DMD: variants seen among roughly 807,000 people sequenced by gnomAD.
DMD encodes mutant dystrophin.
A neutral mutation model predicts 330.1 loss-of-function variants in DMD; 63 were observed. That is an observed-to-expected ratio of 0.19 (90% confidence interval 0.16 to 0.24). The LOEUF (loss-of-function observed/expected upper bound fraction) is 0.24, where lower values mean the gene tolerates loss of function less well. Among genes scored for constraint, DMD ranks in the 10% least tolerant of loss-of-function variants. DMD has a pLI of 1.00. For synonymous variants in DMD, 1,223 were observed against 959.8 expected (o/e 1.27, Z -5.07); for missense variants, 3,344 against 2,684.1 (o/e 1.25, Z -5.43).
At position 32,458,711 on chromosome X, in the gene DMD, G is replaced by A. The variant is rs2098371369; in HGVS notation, c.3433-3879C>T. ...TAGCCACCCTAACAGGTATGAAGAGGTTCTTGTGGCTTTTAACTGCATTTT... is the reference window on the plus strand; with the variant it reads ...TAGCCACCCTAACAGGTATGAAGAGATTCTTGTGGCTTTTAACTGCATTTT... On this transcript the variant is annotated intron_variant, in intron 25 of 78. Transcript: ENST00000357033. Among the ~76,000 whole-genome samples the A allele has an allele frequency of 3.6e-5, 4 of 111,338 alleles. No homozygotes were observed. In the South Asian group the frequency reaches 1.5e-3, roughly 41 times the overall value.
chrX:33,165,390 A>G (rs926754890), intron 1 of DMD, among the ~76,000 whole-genome samples: 3 of 111,760 alleles, frequency 2.7e-5, no homozygotes, highest in African/African-American at 6.5e-5. Flanking sequence ...ACATCCATCA[A>G]AAAACTCTTT....
intron 6 of DMD, among the ~76,000 whole-genome samples, chrX:32,811,114 G>A (rs1603433216): frequency 9.3e-6 from 1 of 107,613 alleles, no homozygotes; most frequent in Non-Finnish European, 1.9e-5. Context: ...TGAAGGATTT[G>A]CTTGAGGCCA....
intron 7 of DMD, among the ~76,000 whole-genome samples, chrX:32,796,013 A>AT (rs1569523729): frequency 9.0e-6 from 1 of 111,633 alleles, no homozygotes; most frequent in African/African-American, 3.3e-5. Context: ...AGTTCAGAAT[A>AT]TAAGTCAGTA....
At chrX:32,974,527 T>G (rs2092482191) in intron 2 of DMD, among the ~76,000 whole-genome samples, 1 of 111,616 alleles carries the variant, frequency 9.0e-6, no homozygotes, top group South Asian at 3.7e-4. Context: ...TCCCTTGAGG[T>G]CTTCTGATGT....
At chrX:32,908,389 A>G (rs767743441) in intron 2 of DMD, among the ~76,000 whole-genome samples, 32 of 111,984 alleles carry the variant, frequency 2.9e-4, no homozygotes, top group Admixed American at 1.3e-3. Flanking sequence ...TTTCCAAAAA[A>G]CACTGAAAAT....
chrX:33,030,700 G>T (rs759375620), intron 1 of DMD, among the ~76,000 whole-genome samples: 2 of 111,566 alleles, frequency 1.8e-5, no homozygotes, highest in Non-Finnish European at 3.8e-5. Context: ...GGATATTGTA[G>T]CAGAACTGCT....
At chrX:31,280,778 C>T (rs1367664696) in intron 62 of DMD, among the ~76,000 whole-genome samples, 1 of 111,389 alleles carries the variant, frequency 9.0e-6, no homozygotes, top group Non-Finnish European at 1.9e-5. Flanking sequence ...CCGAAAATAT[C>T]AAAACATTAG....
At chrX:31,493,742 C>T (rs1047286205) in intron 57 of DMD, among the ~76,000 whole-genome samples, 1 of 111,949 alleles carries the variant, frequency 8.9e-6, no homozygotes, top group Non-Finnish European at 1.9e-5. Flanking sequence ...GTTTTTTACA[C>T]AGATTATTCT....
At chrX:31,990,725 C>T (rs1189633893) in intron 44 of DMD, among the ~76,000 whole-genome samples, 1 of 111,950 alleles carries the variant, frequency 8.9e-6, no homozygotes, top group East Asian at 2.8e-4. Context: ...TAATAACTCA[C>T]GTAAGCAAGG....
chrX:32,463,414 C>T, intron 25 of DMD, 25 bp downstream of exon 25: 1 of 1,178,769 alleles, frequency 8.5e-7, no homozygotes, highest in East Asian at 3.0e-5. Context: ...TTGAGGCAAG[C>T]CACAGTGAAA....
At chrX:32,566,936 G>C (rs974603395) in intron 15 of DMD, among the ~76,000 whole-genome samples, 2 of 111,912 alleles carry the variant, frequency 1.8e-5, no homozygotes, top group Admixed American at 9.5e-5. Context: ...ACTAAATCGC[G>C]ATACCTGTCT....
At chrX:32,680,250 G>C in intron 9 of DMD, among the ~76,000 whole-genome samples, 1 of 110,799 alleles carries the variant, frequency 9.0e-6, no homozygotes, top group Non-Finnish European at 1.9e-5. Flanking sequence ...CTATCATATT[G>C]ATTATGACCA....
chrX:31,633,984 T>C (rs138855253), intron 54 of DMD, among the ~76,000 whole-genome samples: 1,619 of 111,964 alleles, frequency 0.014, 23 homozygotes, highest in Middle Eastern at 0.023. Context: ...TGAAGACAGA[T>C]ATTGGAATAC....
intron 1 of DMD, among the ~76,000 whole-genome samples, chrX:33,302,257 G>C (rs1330435064): frequency 1.8e-5 from 2 of 110,609 alleles, no homozygotes; most frequent in African/African-American, 6.6e-5. Context: ...ATGTCTTTAG[G>C]GAAGAGTCTC....
intron 2 of DMD, among the ~76,000 whole-genome samples, chrX:32,913,966 G>A (rs749830710): frequency 7.2e-5 from 8 of 111,488 alleles, no homozygotes; most frequent in African/African-American, 2.3e-4. Context: ...GTTTTCCCCC[G>A]TTTTTCCTTA....
chrX:31,749,151 T>C (rs182931845), intron 51 of DMD, among the ~76,000 whole-genome samples: 3,061 of 110,224 alleles, frequency 0.028, 49 homozygotes, highest in Non-Finnish European at 0.043. Flanking sequence ...ATTATTATTA[T>C]TATTATTATA....
intron 62 of DMD, among the ~76,000 whole-genome samples, chrX:31,295,290 C>T (rs1028174618): frequency 3.6e-5 from 4 of 111,255 alleles, no homozygotes; most frequent in Non-Finnish European, 5.7e-5. Flanking sequence ...CCACCGCGCC[C>T]GGCCGTAGGT....
chrX:32,364,507 G>A, intron 36 of DMD, 75 bp downstream of exon 36: 1 of 1,096,781 alleles, frequency 9.1e-7, no homozygotes, highest in Non-Finnish European at 1.3e-6. Flanking sequence ...GACGTCCTTA[G>A]TATCTTTTAG....
intron 1 of DMD, among the ~76,000 whole-genome samples, chrX:33,279,731 T>G (rs918613225): frequency 3.6e-5 from 4 of 111,354 alleles, no homozygotes; most frequent in Non-Finnish European, 5.6e-5. Context: ...CTGGTGTCTA[T>G]TTTCTTATTT....
Sources: gnomAD v4.1 joint callset for allele counts (sites outside exome capture counted in the v4.1 genomes callset) on GRCh38, gnomAD v4.1.1 for gene constraint, MANE v1.5 for transcripts, NCBI Gene and HGNC (gene_info 2026-07-23, HGNC 2026-07-21) for gene names.